Variants in DPYD observed in about 807,000 individuals in gnomAD.
The protein encoded by DPYD is dihydropyrimidine dehydrogenase.
DPYD carries 109 observed loss-of-function variants against 116.2 expected under a neutral mutation model. The observed-to-expected ratio is 0.94, with a 90% CI of 0.80 to 1.10. The LOEUF (loss-of-function observed/expected upper bound fraction) is 1.10. DPYD is among the 50% of genes least tolerant of loss of function. The pLI is 0.00. For missense variants in DPYD, 1,302 were observed against 1,254.5 expected (o/e 1.04, Z -0.57); for synonymous variants, 440 against 432.0 (o/e 1.02, Z -0.23).
At chr1:97,436,992 T>C (rs1435762903) in intron 14 of DPYD, among the ~76,000 whole-genome samples, 2 of 151,860 alleles carry the variant, frequency 1.3e-5, no homozygotes, top group Non-Finnish European at 2.9e-5. Flanking sequence ...TATGGAAGTA[T>C]ACTTCTATAT....
intron 4 of DPYD, among the ~76,000 whole-genome samples, chr1:97,740,012 C>T (rs972404031): frequency 7.2e-5 from 11 of 151,956 alleles, no homozygotes; most frequent in Non-Finnish European, 1.6e-4. Context: ...TATCTATGTG[C>T]TAGACTTACT....
intron 20 of DPYD, among the ~76,000 whole-genome samples, chr1:97,173,295 C>CATATATGTACACATATATGTACACAT (rs773327264): frequency 1.6e-5 from 2 of 127,524 alleles, no homozygotes; most frequent in African/African-American, 5.5e-5. Context: ...TATATGTACA[C>CATATATGTACACATATATGTACACAT]ATATGTACAT....
At chr1:97,531,385 C>T (rs1019047885) in intron 12 of DPYD, among the ~76,000 whole-genome samples, 1 of 152,100 alleles carries the variant, frequency 6.6e-6, no homozygotes, top group Non-Finnish European at 1.5e-5. Flanking sequence ...AATCCTTTCC[C>T]CGCTATGCAT....
chr1:97,091,902 T>C lies in DPYD; in HGVS notation c.2766+6587A>G, dbSNP rs749873242. ...TCCTTTGCAAAAATAAGCCAGATCA[T>C]ATCAGTCTTCCTTTCTAAAAGCCTT... On this transcript the variant is annotated intron_variant, in intron 21 of 22. Coordinates refer to ENST00000370192, the MANE Select transcript of DPYD (RefSeq NM_000110.4). Among the ~76,000 whole-genome samples the C allele has an allele frequency of 1.7e-4, 26 of 152,162 alleles. No homozygotes were observed. In the South Asian group the frequency reaches 1.9e-3, roughly 11 times the overall value.
chr1:97,303,987 T>C (rs989521176), intron 18 of DPYD, among the ~76,000 whole-genome samples: 3 of 151,986 alleles, frequency 2.0e-5, no homozygotes, highest in Non-Finnish European at 2.9e-5. Context: ...AATTTTGTAG[T>C]TTTATTAGAC....
intron 14 of DPYD, among the ~76,000 whole-genome samples, chr1:97,440,259 C>T (rs531986648): frequency 3.2e-4 from 48 of 149,174 alleles, no homozygotes; most frequent in African/African-American, 1.1e-3. Flanking sequence ...AGCAAAACTC[C>T]CTCTCAAAAA....
chr1:97,623,615 A>T (rs1656755610), intron 8 of DPYD, among the ~76,000 whole-genome samples: 1 of 152,016 alleles, frequency 6.6e-6, no homozygotes, highest in African/African-American at 2.4e-5. Flanking sequence ...TTTCATAGAA[A>T]TAGAGAAAAC....
chr1:97,880,039 G>A (rs564413005), intron 2 of DPYD, among the ~76,000 whole-genome samples: 2 of 151,726 alleles, frequency 1.3e-5, no homozygotes, highest in African/African-American at 4.8e-5. Flanking sequence ...TATATATAGA[G>A]AGAGATATAT....
intron 13 of DPYD, among the ~76,000 whole-genome samples, chr1:97,486,534 T>C (rs1361736155): frequency 6.6e-6 from 1 of 152,142 alleles, no homozygotes; most frequent in African/African-American, 2.4e-5. Flanking sequence ...TATAAGATGT[T>C]GGTGTTTTAA....
At position 97,313,174 on chromosome 1, in the gene DPYD, A is replaced by C. The variant is rs1667613265; in HGVS notation, c.2059-6877T>G. On this transcript the variant is annotated intron_variant, in intron 16 of 22. Transcript: ENST00000370192. ...CTTATTTCAGAGCATGTAGCGCAGA[A>C]CCTGACACATAGTAGGCATTCAACA... Among the ~76,000 whole-genome samples the C allele has an allele frequency of 2.6e-5, 4 of 151,884 alleles. No individual in the cohort carries two copies. In the South Asian group the frequency reaches 8.3e-4, roughly 31 times the overall value.
intron 5 of DPYD, among the ~76,000 whole-genome samples, chr1:97,714,564 A>C (rs1372057708): frequency 6.6e-6 from 1 of 151,520 alleles, no homozygotes; most frequent in African/African-American, 2.4e-5. Flanking sequence ...GCTGTAATGT[A>C]ATTTCTAAAG....
At chr1:97,336,973 G>A (rs931191192) in intron 16 of DPYD, among the ~76,000 whole-genome samples, 7 of 152,178 alleles carry the variant, frequency 4.6e-5, no homozygotes, top group African/African-American at 1.4e-4. Flanking sequence ...AAAGGGAGAT[G>A]ATTGTGAAAA....
chr1:97,289,607 T>C (rs1368303715), intron 18 of DPYD, among the ~76,000 whole-genome samples: 3 of 152,078 alleles, frequency 2.0e-5, no homozygotes, highest in Non-Finnish European at 4.4e-5. Context: ...TCTCAATAGA[T>C]GCAGAAAAGG....
At chr1:97,100,452 A>T (rs1419258930) in intron 20 of DPYD, among the ~76,000 whole-genome samples, 1 of 152,038 alleles carries the variant, frequency 6.6e-6, no homozygotes, top group Non-Finnish European at 1.5e-5. Context: ...ATACTCAAAG[A>T]CTATCAAGAA....
chr1:97,514,339 C>T lies in DPYD; in HGVS notation c.1740+1387G>A, dbSNP rs369565943. On this transcript the variant is annotated intron_variant, in intron 13 of 22. Transcript: ENST00000370192. ...GAAGAAAACATCAAATTCAAAGCAG[C>T]AAACACCTCTTTTTTTCAGCTATAA... is the stretch of plus-strand genomic sequence containing the variant. 4 of 692,684 alleles carry T rather than the reference C, an allele frequency of 5.8e-6. No individual in the cohort carries two copies. The African/African-American group carries it at 7.8e-5, about 13-fold the overall frequency. 42.9% of individuals were successfully genotyped at this position (692,684 alleles called of 1,614,324 possible).
chr1:97,636,567 C>T (rs567451020), intron 8 of DPYD, among the ~76,000 whole-genome samples: 64 of 152,128 alleles, frequency 4.2e-4, no homozygotes, highest in Non-Finnish European at 8.5e-4. Context: ...CTTGCATTTG[C>T]CATTTTTATA....
intron 5 of DPYD, among the ~76,000 whole-genome samples, chr1:97,708,965 TTTTG>T (rs879821385): frequency 2.0e-4 from 31 of 152,092 alleles, no homozygotes; most frequent in Admixed American, 9.8e-4. Flanking sequence ...AGTGGCTGAC[TTTTG>T]TTTATTAATC....
chr1:97,380,617 G>C (rs950906960), intron 15 of DPYD, among the ~76,000 whole-genome samples: 3 of 152,176 alleles, frequency 2.0e-5, no homozygotes, highest in African/African-American at 7.2e-5. Flanking sequence ...TTAAGGTTTA[G>C]TATACATCAT....
chr1:97,771,482 A>C (rs1666139742), intron 3 of DPYD, among the ~76,000 whole-genome samples: 1 of 152,198 alleles, frequency 6.6e-6, no homozygotes, highest in East Asian at 1.9e-4. Context: ...ATTTCAAATA[A>C]ATGAAGGAGA....
Sources: gnomAD v4.1 joint callset for allele counts (sites outside exome capture counted in the v4.1 genomes callset) on GRCh38, gnomAD v4.1.1 for gene constraint, MANE v1.5 for transcripts, NCBI Gene and HGNC (gene_info 2026-07-23, HGNC 2026-07-21) for gene names.